The following LRFN5 variants were observed in gnomAD, a reference collection of about 807,000 sequenced individuals.
LRFN5 encodes the protein leucine-rich repeat and fibronectin type-III domain-containing protein 5.
LRFN5 carries 24 observed loss-of-function variants against 45.6 expected under a neutral mutation model. The observed-to-expected ratio is 0.53, with a 90% CI of 0.38 to 0.74. The LOEUF (loss-of-function observed/expected upper bound fraction) is 0.74, where lower values mean the gene tolerates loss of function less well. Among genes scored for constraint, LRFN5 ranks in the 30% least tolerant of loss-of-function variants. LRFN5 has a pLI of 0.00. For missense variants in LRFN5, 776 were observed against 861.5 expected (o/e 0.90, Z 1.24); for synonymous variants, 340 against 313.8 (o/e 1.08, Z -0.88).
intron 1 of LRFN5, among the ~76,000 whole-genome samples, chr14:41,756,910 G>T (rs1396352556): frequency 6.6e-6 from 1 of 152,112 alleles, no homozygotes; most frequent in Non-Finnish European, 1.5e-5. Context: ...GGTCTTTGAT[G>T]ATGGTGACGT....
chr14:41,733,049 GT>G (rs201671905), intron 1 of LRFN5, among the ~76,000 whole-genome samples: 4 of 150,008 alleles, frequency 2.7e-5, no homozygotes, highest in African/African-American at 7.3e-5. Flanking sequence ...GGAAAAGAAA[GT>G]TAAAAAAAAA....
At chr14:41,751,391 G>A (rs962689863) in intron 1 of LRFN5, among the ~76,000 whole-genome samples, 2 of 151,462 alleles carry the variant, frequency 1.3e-5, no homozygotes, top group Non-Finnish European at 1.5e-5. Context: ...AGAATATATT[G>A]AAAAAAAATT....
At chr14:41,782,641 G>A (rs1886569634) in intron 2 of LRFN5, among the ~76,000 whole-genome samples, 1 of 152,116 alleles carries the variant, frequency 6.6e-6, no homozygotes, top group South Asian at 2.1e-4. Context: ...GAAGTAAATA[G>A]GCCTTTACTT....
At chr14:41,684,471 T>C (rs899027285) in intron 1 of LRFN5, among the ~76,000 whole-genome samples, 3 of 152,034 alleles carry the variant, frequency 2.0e-5, no homozygotes, top group Middle Eastern at 3.2e-3. Context: ...ACTACCAAAC[T>C]CTTATACAAC....
chr14:41,892,591 T>A, intron 4 of LRFN5: 1 of 981,822 alleles, frequency 1.0e-6, no homozygotes, highest in Non-Finnish European at 1.2e-6. Flanking sequence ...TTCCTTTGTT[T>A]TTAGGGAAAT....
At chr14:41,688,487 T>G (rs958511061) in intron 1 of LRFN5, among the ~76,000 whole-genome samples, 1 of 151,534 alleles carries the variant, frequency 6.6e-6, no homozygotes, top group Non-Finnish European at 1.5e-5. Context: ...ATTAGTAAAT[T>G]TAAAAGGATT....
chr14:41,883,908 G>A (rs116818059), intron 2 of LRFN5, among the ~76,000 whole-genome samples: 2,313 of 152,018 alleles, frequency 0.015, 58 homozygotes, highest in African/African-American at 0.052. Context: ...TTGCAATTAC[G>A]TATATGTTTG....
intron 2 of LRFN5, among the ~76,000 whole-genome samples, chr14:41,805,550 T>TCCA (rs1555320815): frequency 3.8e-5 from 5 of 131,868 alleles, no homozygotes; most frequent in Non-Finnish European, 6.9e-5. Context: ...ATGCTATCCC[T>TCCA]CCACCCCCCC....
chr14:41,760,991 C>A (rs1885639128), intron 1 of LRFN5, among the ~76,000 whole-genome samples: 1 of 152,026 alleles, frequency 6.6e-6, no homozygotes, highest in Non-Finnish European at 1.5e-5. Flanking sequence ...CTGACATGAA[C>A]CTAAATTGGG....
intron 1 of LRFN5, among the ~76,000 whole-genome samples, chr14:41,679,009 G>A (rs1203840865): frequency 6.6e-6 from 1 of 151,728 alleles, no homozygotes; most frequent in Non-Finnish European, 1.5e-5. Context: ...ACAGCAGGAT[G>A]CAACACCAGG....
chr14:41,712,560 A>T (rs1883330111), intron 1 of LRFN5, among the ~76,000 whole-genome samples: 1 of 152,212 alleles, frequency 6.6e-6, no homozygotes, highest in South Asian at 2.1e-4. Context: ...TCTAAAATTA[A>T]TATGTAAAGA....
At chr14:41,824,884 A>C (rs952998048) in intron 2 of LRFN5, among the ~76,000 whole-genome samples, 4 of 152,094 alleles carry the variant, frequency 2.6e-5, no homozygotes, top group Middle Eastern at 3.2e-3. Flanking sequence ...AGGGGACTGC[A>C]CTAGCTCCAA....
chr14:41,679,113 G>C (rs1881770889), intron 1 of LRFN5, among the ~76,000 whole-genome samples: 1 of 152,142 alleles, frequency 6.6e-6, no homozygotes, highest in Non-Finnish European at 1.5e-5. Context: ...CTGAGTTCTG[G>C]CAAGCCCCAC....
At chr14:41,738,830 A>T (rs1884562105) in intron 1 of LRFN5, among the ~76,000 whole-genome samples, 1 of 152,178 alleles carries the variant, frequency 6.6e-6, no homozygotes, top group South Asian at 2.1e-4. Context: ...ATGTTCACTG[A>T]GCTTTATAAA....
intron 1 of LRFN5, among the ~76,000 whole-genome samples, chr14:41,693,151 T>C (rs1882455848): frequency 6.6e-6 from 1 of 152,092 alleles, no homozygotes; most frequent in African/African-American, 2.4e-5. Flanking sequence ...AGAGCAAGTC[T>C]TGAAATCAAG....
intron 1 of LRFN5, among the ~76,000 whole-genome samples, chr14:41,711,849 A>T (rs1883297313): frequency 6.6e-6 from 1 of 152,210 alleles, no homozygotes; most frequent in Non-Finnish European, 1.5e-5. Context: ...TGGAATGATA[A>T]TTCTGGAATA....
intron 1 of LRFN5, among the ~76,000 whole-genome samples, chr14:41,702,267 G>GCCA (rs1164467233): frequency 1.3e-5 from 2 of 152,226 alleles, no homozygotes; most frequent in East Asian, 3.9e-4. Context: ...TAAGTAGCTT[G>GCCA]CTCAAGGTGG....
chr14:41,812,354 TA>T (rs777486513), intron 2 of LRFN5, among the ~76,000 whole-genome samples: 139 of 152,060 alleles, frequency 9.1e-4, no homozygotes, highest in Non-Finnish European at 1.7e-3. Context: ...ACTAGCATCT[TA>T]ATAATATTAT....
rs568415460 is a variant in LRFN5 at position 41,792,816 on chromosome 14, G to T, written c.-21+25787G>T. On this transcript the variant is annotated intron_variant, in intron 2 of 5. Transcript: ENST00000298119. ...ACACAATTATCACAGTGGTCCTGAG[G>T]TGACCTATATCCTCAGCTTACAAAG... Among the ~76,000 whole-genome samples the T allele has an allele frequency of 5.9e-5, 9 of 152,112 alleles. No homozygotes were observed. In the East Asian group the frequency reaches 1.6e-3, roughly 26 times the overall value.
Sources: allele counts gnomAD v4.1 joint callset (sites outside exome capture counted in the v4.1 genomes callset), GRCh38; gene constraint gnomAD v4.1.1; transcripts MANE v1.5; gene names NCBI Gene and HGNC (gene_info 2026-07-23, HGNC 2026-07-21).